Variants in SLC22A16 observed in about 807,000 individuals in gnomAD.
The protein encoded by SLC22A16 is solute carrier family 22 member 16.
In SLC22A16, 53 loss-of-function variants were observed where a neutral mutation model predicts 52.9. The observed-to-expected ratio is 1.00, with a 90% CI of 0.80 to 1.26. The LOEUF (loss-of-function observed/expected upper bound fraction) is 1.26, where lower values mean the gene tolerates loss of function less well. SLC22A16 is among the 50% of genes most tolerant of loss of function. The pLI, the probability that SLC22A16 is intolerant of heterozygous loss-of-function variation, is 0.00. For synonymous variants in SLC22A16, 291 were observed against 268.8 expected (o/e 1.08, Z -0.81); for missense variants, 726 against 704.0 (o/e 1.03, Z -0.35).
intron 1 of SLC22A16, among the ~76,000 whole-genome samples, chr6:110,472,405 C>A (rs1476029356): frequency 2.0e-5 from 3 of 152,112 alleles, no homozygotes; most frequent in African/African-American, 4.8e-5. Context: ...CTCTGCACTG[C>A]AAAACCCAAA....
At chr6:110,432,986 G>A (rs1472762800) in intron 6 of SLC22A16, among the ~76,000 whole-genome samples, 1 of 152,188 alleles carries the variant, frequency 6.6e-6, no homozygotes, top group African/African-American at 2.4e-5. Context: ...GTTCTGATGG[G>A]TCACTGACTA....
Position 110,425,136 on chromosome 6 carries a change from C to G in SLC22A16, c.1522-51G>C, listed in dbSNP as rs1484756419. On this transcript the variant is annotated intron_variant, in intron 7 of 7. Transcript: ENST00000368919. Reference sequence around the variant, plus strand: ...AGTGACACATCAAGAAAGGAACGAACCCTTCGGAGAATAGAATTTCCTAAC... The same window carrying G: ...AGTGACACATCAAGAAAGGAACGAAGCCTTCGGAGAATAGAATTTCCTAAC... The G allele has an allele frequency of 1.9e-6, 3 of 1,604,528 alleles. No individual in the cohort carries two copies. In the African/African-American group the frequency reaches 4.0e-5, roughly 22 times the overall value.
chr6:110,465,736 T>C (rs1283882133), intron 1 of SLC22A16, among the ~76,000 whole-genome samples: 2 of 152,154 alleles, frequency 1.3e-5, no homozygotes, highest in African/African-American at 2.4e-5. Context: ...ACAAATTCAA[T>C]GCAATTCCTA....
intron 3 of SLC22A16, 69 bp downstream of exon 3, chr6:110,446,804 A>C: frequency 7.2e-7 from 1 of 1,388,702 alleles, no homozygotes; most frequent in South Asian, 1.3e-5. Context: ...TAAATGAGCA[A>C]AATGATGAGA....
intron 3 of SLC22A16, among the ~76,000 whole-genome samples, chr6:110,445,785 CAGA>C (rs1775148242): frequency 6.6e-6 from 1 of 152,276 alleles, no homozygotes; most frequent in African/African-American, 2.4e-5. Context: ...TCAGTCCCAC[CAGA>C]AGGTTTCTCT....
At chr6:110,429,783 G>A (rs9481069) in intron 7 of SLC22A16, among the ~76,000 whole-genome samples, 10,757 of 152,090 alleles carry the variant, frequency 0.071, 839 homozygotes, top group African/African-American at 0.2. Flanking sequence ...AAGGAGAGGC[G>A]GGGTCACTAG....
intron 1 of SLC22A16, among the ~76,000 whole-genome samples, chr6:110,464,526 T>C (rs1013379683): frequency 1.3e-5 from 2 of 151,936 alleles, no homozygotes; most frequent in African/African-American, 4.8e-5. Context: ...CATCTCTAAG[T>C]GCACACACTA....
At chr6:110,434,155 A>G (rs6918696) in intron 6 of SLC22A16, among the ~76,000 whole-genome samples, 28,187 of 151,934 alleles carry the variant, frequency 0.19, 3,589 homozygotes, top group African/African-American at 0.36. Context: ...CAGGAGAATC[A>G]CCTGAACCTG....
At position 110,424,740 on chromosome 6, in the gene SLC22A16, G is replaced by T; in HGVS notation, c.*133C>A. On this transcript the variant is annotated 3_prime_UTR_variant, in exon 8 of 8. Transcript: ENST00000368919. ...TTTTTATTTCTTTTATAACATATTT[G>T]CTTTAAAATTTTCTTACAAAATTTA... is the stretch of plus-strand genomic sequence containing the variant. 5.8e-6 allele frequency: 6 copies of T among 1,033,664 alleles called. No homozygotes were observed. The highest frequency in any genetic ancestry group is 3.7e-5 in the South Asian group (2 of 54,638). The allele number at this position is 1,033,664 out of a possible 1,614,324, so 64.0% of individuals were successfully genotyped here.
chr6:110,461,333 G>A (rs149927681), intron 1 of SLC22A16, among the ~76,000 whole-genome samples: 1 of 152,292 alleles, frequency 6.6e-6, no homozygotes, highest in Non-Finnish European at 1.5e-5. Context: ...AGAACTGAGG[G>A]TTATGAGTGC....
At chr6:110,473,727 A>G (rs5029493) in intron 1 of SLC22A16, among the ~76,000 whole-genome samples, 14,201 of 145,504 alleles carry the variant, frequency 0.098, 828 homozygotes, top group East Asian at 0.25. Context: ...TGGTTTCACT[A>G]CATTAGCCAG....
chr6:110,441,873 T>C (rs2114934637), intron 4 of SLC22A16, among the ~76,000 whole-genome samples: 1 of 152,328 alleles, frequency 6.6e-6, no homozygotes, highest in East Asian at 1.9e-4. Context: ...CTTCAGTTAA[T>C]AGTGTAAATA....
intron 1 of SLC22A16, among the ~76,000 whole-genome samples, chr6:110,465,694 C>T (rs770246769): frequency 2.0e-5 from 3 of 152,094 alleles, no homozygotes; most frequent in African/African-American, 4.8e-5. Flanking sequence ...GAATCAATAC[C>T]ATTTAAGTGA....
At chr6:110,473,600 C>G (rs1776345220) in intron 1 of SLC22A16, among the ~76,000 whole-genome samples, 1 of 135,340 alleles carries the variant, frequency 7.4e-6, no homozygotes, top group Non-Finnish European at 1.5e-5. Flanking sequence ...TCTCGGCTCA[C>G]TGCAAGCTCT....
intron 6 of SLC22A16, among the ~76,000 whole-genome samples, chr6:110,433,377 C>T (rs561522413): frequency 6.6e-6 from 1 of 152,308 alleles, no homozygotes; most frequent in South Asian, 2.1e-4. Context: ...TCCTGGTCCA[C>T]AGGGCTGCCT....
intron 7 of SLC22A16, among the ~76,000 whole-genome samples, chr6:110,426,450 A>G (rs1319542605): frequency 2.0e-5 from 3 of 151,338 alleles, no homozygotes; most frequent in South Asian, 2.1e-4. Flanking sequence ...AATCCCCCAA[A>G]CCCCAAACCA....
intron 5 of SLC22A16, among the ~76,000 whole-genome samples, chr6:110,437,359 G>A (rs1774775954): frequency 6.6e-6 from 1 of 152,062 alleles, no homozygotes; most frequent in Non-Finnish European, 1.5e-5. Context: ...CCAACTTAAA[G>A]GCAGCTGCCA....
At chr6:110,426,550 C>T (rs1582510537) in intron 7 of SLC22A16, among the ~76,000 whole-genome samples, 1 of 152,118 alleles carries the variant, frequency 6.6e-6, no homozygotes, top group African/African-American at 2.4e-5. Context: ...ACCCCACTGC[C>T]TCTCACCTCC....
intron 7 of SLC22A16, among the ~76,000 whole-genome samples, chr6:110,426,724 G>T (rs1329030921): frequency 2.0e-5 from 3 of 152,212 alleles, no homozygotes; most frequent in Admixed American, 1.3e-4. Flanking sequence ...CTTGAGGTGG[G>T]TGGATCACCC....
Sources: allele counts gnomAD v4.1 joint callset (sites outside exome capture counted in the v4.1 genomes callset), GRCh38; gene constraint gnomAD v4.1.1; transcripts MANE v1.5; gene names NCBI Gene and HGNC (gene_info 2026-07-23, HGNC 2026-07-21).